Variants in SHOX observed in about 807,000 individuals in gnomAD.
SHOX encodes the protein short stature homeobox protein.
SHOX carries 12 observed loss-of-function variants against 29.6 expected under a neutral mutation model. That is an observed-to-expected ratio of 0.41 (90% CI 0.26 to 0.66). The LOEUF (loss-of-function observed/expected upper bound fraction) is 0.66, where lower values mean the gene tolerates loss of function less well. Among genes scored for constraint, SHOX ranks in the 30% least tolerant of loss-of-function variants. SHOX has a pLI of 0.35. For synonymous variants in SHOX, 214 were observed against 200.6 expected (o/e 1.07, Z -0.57); for missense variants, 499 against 437.7 (o/e 1.14, Z -1.25).
At chrX:628,441 C>G (rs2052583112), upstream of SHOX, among the ~76,000 whole-genome samples, 1 of 143,474 alleles carries the variant, frequency 7.0e-6, no homozygotes, top group African/African-American at 2.6e-5. Context: ...CTGTCTGTGT[C>G]TCTCTTTCTC....
intron 2 of SHOX, among the ~76,000 whole-genome samples, chrX:637,196 A>T (rs1171942604): frequency 6.6e-6 from 1 of 151,944 alleles, no homozygotes; most frequent in Non-Finnish European, 1.5e-5. Context: ...TGCATCAGAC[A>T]GGGGTTTCCT....
At chrX:656,612 C>A (rs765637710) in intron 5 of SHOX, among the ~76,000 whole-genome samples, 1 of 152,072 alleles carries the variant, frequency 6.6e-6, no homozygotes, top group African/African-American at 2.4e-5. Context: ...GAGGCCGAGG[C>A]GGGCGGATCA....
chrX:655,606 CTCTCTCTCTATA>C (rs1444935431), downstream of SHOX, among the ~76,000 whole-genome samples: 36 of 35,836 alleles, frequency 1.0e-3, no homozygotes, highest in East Asian at 3.2e-3. Context: ...CTCTCTCTCT[CTCTCTCTCTATA>C]TATATATATA....
intron 2 of SHOX, among the ~76,000 whole-genome samples, chrX:636,744 T>C (rs2052764641): frequency 7.4e-6 from 1 of 135,142 alleles, no homozygotes; most frequent in Admixed American, 7.7e-5. Flanking sequence ...TATAAACATA[T>C]ATATACATAT....
intron 1 of SHOX, among the ~76,000 whole-genome samples, chrX:624,862 TTTTCTTTCTTTC>T (rs928739665): frequency 0.076 from 5,852 of 76,680 alleles, 490 homozygotes; most frequent in African/African-American, 0.28. Flanking sequence ...TCTTTCTTTC[TTTTCTTTCTTTC>T]TTTCTTTCTT....
chrX:624,729 C>CTTTCTTTCTTTCTTTCT (rs2052474950), intron 1 of SHOX: 1 of 136,426 alleles, frequency 7.3e-6, no homozygotes, highest in Non-Finnish European at 1.6e-5. Flanking sequence ...TTCTTTCTTT[C>CTTTCTTTCTTTCTTTCT]TTTCTTTCTT....
chrX:634,529 C>T (rs1221084886), intron 1 of SHOX, 89 bp from the exon 2 acceptor site: 8 of 1,410,056 alleles, frequency 5.7e-6, no homozygotes, highest in Admixed American at 3.8e-5. Flanking sequence ...TTCGAGGGCC[C>T]CCTTTCCACC....
chrX:630,783 G>A (rs1446199784), upstream of SHOX: 5 of 1,296,580 alleles, frequency 3.9e-6, no homozygotes, highest in African/African-American at 4.4e-5. Flanking sequence ...GATTTCCAAT[G>A]GAAAGGCGTA....
rs1365307289 is a variant in SHOX, at chrX:650,305, C to T, written c.*5669C>T. ...GGAGGCCTTTGGGCCGCTCCAAAGA[C>T]GCCCTGTCGTAGGAATGGCCTCTCC... On this transcript the variant is annotated 3_prime_UTR_variant, in exon 5 of 5. Transcript: ENST00000686671. 6.6e-6 allele frequency among the ~76,000 whole-genome samples: 1 copy of T among 151,458 alleles called. No individual in the cohort carries two copies. Among genetic ancestry groups the T allele is most frequent in the Non-Finnish European group, 1.5e-5 (1 of 67,934 alleles).
chrX:639,865 G>A (rs2052819857), intron 2 of SHOX, among the ~76,000 whole-genome samples: 1 of 151,076 alleles, frequency 6.6e-6, no homozygotes, highest in Non-Finnish European at 1.5e-5. Flanking sequence ...GCCAGGCATG[G>A]TGGTGAGCAC....
At chrX:644,306 C>G in intron 4 of SHOX, 85 bp from the exon 5 acceptor site, 2 of 1,425,976 alleles carry the variant, frequency 1.4e-6, no homozygotes, top group South Asian at 2.9e-5. Flanking sequence ...AGAAGAGGCA[C>G]GTTGGAGGTT....
chrX:627,861 G>A (rs2052566242), upstream of SHOX, among the ~76,000 whole-genome samples: 1 of 152,156 alleles, frequency 6.6e-6, no homozygotes, highest in South Asian at 2.1e-4. Flanking sequence ...CAGCTGAGCT[G>A]GGAGGACGGA....
intron 1 of SHOX, among the ~76,000 whole-genome samples, chrX:624,930 CT>C (rs201528640): frequency 0.33 from 37,481 of 114,892 alleles, 6,190 homozygotes; most frequent in African/African-American, 0.45. Flanking sequence ...TTCTTTCTTT[CT>C]TTTCTTTCTT....
intron 2 of SHOX, among the ~76,000 whole-genome samples, chrX:639,866 T>A (rs1305972122): frequency 6.8e-6 from 1 of 147,988 alleles, no homozygotes; most frequent in East Asian, 2.0e-4. Context: ...CCAGGCATGG[T>A]GGTGAGCACC....
At chrX:632,678 T>C (rs2052672037) in intron 1 of SHOX, among the ~76,000 whole-genome samples, 1 of 152,010 alleles carries the variant, frequency 6.6e-6, no homozygotes, top group Non-Finnish European at 1.5e-5. Context: ...GTGGCTACGG[T>C]TTACAAAGCA....
At chrX:639,626 G>A (rs1177625618) in intron 2 of SHOX, among the ~76,000 whole-genome samples, 1 of 152,240 alleles carries the variant, frequency 6.6e-6, no homozygotes, top group Non-Finnish European at 1.5e-5. Context: ...ACTTCCACTG[G>A]CTCGGAACTC....
At position 631,957 on chromosome X, in the gene SHOX, C is replaced by G. The variant is rs780948532; in HGVS notation, c.277+783C>G. On this transcript the variant is annotated intron_variant, in intron 1 of 4. Coordinates refer to ENST00000686671, the MANE Select transcript of SHOX (RefSeq NM_000451.4). ...CAGCGCTCAGCGCCTGCCGGGCCCC[C>G]GGAGATCACGGGAAGACTCGAGGCT... The G allele has an allele frequency of 1.0e-4, 46 of 456,104 alleles. No homozygotes were observed. In the East Asian group the frequency reaches 1.9e-3, roughly 19 times the overall value. The allele number at this position is 456,104 out of a possible 1,614,324, so 28.3% of individuals were successfully genotyped here. A position where few individuals can be genotyped will look rare whatever the true frequency, so the allele number is the denominator to read the frequency against.
In SHOX at chrX:657,973, C is replaced by G. The variant is rs549905678; in HGVS notation, c.634-812C>G. On this transcript the variant is annotated intron_variant, in intron 5 of 5. Coordinates refer to the SHOX transcript ENST00000334060. ...GAAGTTTAGCTTCTCCAGGTGGTCT[C>G]TCTCTCTCTCTCTTTTTTTGAGACA... Among the ~76,000 whole-genome samples the G allele has an allele frequency of 4.2e-4, 63 of 151,636 alleles. 1 individual carries two copies. In the South Asian group the frequency reaches 0.013, roughly 30 times the overall value.
intron 2 of SHOX, 126 bp downstream of exon 2, chrX:634,952 G>T (rs1210098156): frequency 4.0e-6 from 4 of 996,450 alleles, no homozygotes; most frequent in East Asian, 5.2e-5. Flanking sequence ...GGGGAGGTTG[G>T]GTGAGGGACG....
Sources: allele counts gnomAD v4.1 joint callset (sites outside exome capture counted in the v4.1 genomes callset), GRCh38; gene constraint gnomAD v4.1.1; transcripts MANE v1.5; gene names NCBI Gene and HGNC (gene_info 2026-07-23, HGNC 2026-07-21).